The following CEP350 variants were observed in gnomAD, a reference collection of about 807,000 sequenced individuals.
CEP350 encodes the protein centrosomal protein 350, also known as centrosome-associated protein 350.
A neutral mutation model predicts 331.8 loss-of-function variants in CEP350; 126 were observed. The observed-to-expected ratio is 0.38, with a 90% CI of 0.33 to 0.44. The LOEUF (loss-of-function observed/expected upper bound fraction) is 0.44, where lower values mean the gene tolerates loss of function less well. CEP350 is among the 20% of genes least tolerant of loss of function. The pLI, the probability that CEP350 is intolerant of heterozygous loss-of-function variation, is 1.00. For synonymous variants in CEP350, 1,200 were observed against 1,259.5 expected (o/e 0.95, Z 1.00); for missense variants, 3,406 against 3,634.6 (o/e 0.94, Z 1.62).
At chr1:180,060,550 G>A (rs1458409339) in intron 25 of CEP350, among the ~76,000 whole-genome samples, 1 of 152,146 alleles carries the variant, frequency 6.6e-6, no homozygotes, top group African/African-American at 2.4e-5. Context: ...AGCTACTTGG[G>A]AGGCTAAGGT....
chr1:180,039,739 T>G (rs1656629999), intron 17 of CEP350, among the ~76,000 whole-genome samples: 1 of 152,154 alleles, frequency 6.6e-6, no homozygotes, highest in Non-Finnish European at 1.5e-5. Flanking sequence ...ATTTTGGCTA[T>G]TCTAGGTTTT....
Position 179,990,729 on chromosome 1 carries a change from T to A in CEP350, c.235+108T>A, listed in dbSNP as rs1205713828. ...GCCACCACACCTGGCTAATCTTTTTTTATCTTTTGTAGAGACGAAGTCTCT... is the reference window on the plus strand; with the variant it reads ...GCCACCACACCTGGCTAATCTTTTTATATCTTTTGTAGAGACGAAGTCTCT... On this transcript the variant is annotated intron_variant, in intron 4 of 37. Transcript: ENST00000367607. 7.2e-5 allele frequency: 40 copies of A among 553,408 alleles called. 1 individual carries two copies. The East Asian group carries it at 1.2e-3, about 17-fold the overall frequency. The allele number at this position is 553,408 out of a possible 1,614,324, so 34.3% of individuals were successfully genotyped here.
At chr1:180,100,537 G>A (rs748049092) in intron 37 of CEP350, among the ~76,000 whole-genome samples, 9 of 152,124 alleles carry the variant, frequency 5.9e-5, no homozygotes, top group Non-Finnish European at 8.8e-5. Context: ...TGCTAATTAA[G>A]GACTGATGTT....
intron 18 of CEP350, 128 bp from the exon 19 acceptor site, chr1:180,041,534 G>C: frequency 1.1e-6 from 1 of 949,644 alleles, no homozygotes; most frequent in South Asian, 2.0e-5. Flanking sequence ...CTTAAACCAT[G>C]AAATCCAGAT....
At chr1:180,018,523 TG>T (rs2148825301) in intron 11 of CEP350, among the ~76,000 whole-genome samples, 1 of 152,330 alleles carries the variant, frequency 6.6e-6, no homozygotes, top group African/African-American at 2.4e-5. Flanking sequence ...ACTTTGCATT[TG>T]TAATAGCCTA....
At chr1:179,988,756 CCT>C (rs886883107) in intron 3 of CEP350, among the ~76,000 whole-genome samples, 4 of 151,708 alleles carry the variant, frequency 2.6e-5, no homozygotes, top group Non-Finnish European at 4.4e-5. Flanking sequence ...TTTTGAATCA[CCT>C]ATTTCTTTAC....
At chr1:180,015,273 G>A (rs573022224) in intron 10 of CEP350, among the ~76,000 whole-genome samples, 15 of 151,362 alleles carry the variant, frequency 9.9e-5, no homozygotes, top group South Asian at 4.2e-4. Context: ...TCTCCCTGTC[G>A]CCCAGGCTGG....
At position 180,071,751 on chromosome 1, in the gene CEP350, CA is replaced by C. The variant is rs1194123105; in HGVS notation, c.5568-3270del. ...GAACTGAGATGGTGCCACTGCACTC[CA>C]GCCTGGGCAACAGAGCAAGACTCCG... On this transcript the variant is annotated intron_variant, in intron 27 of 37. Transcript: ENST00000367607. Among the ~76,000 whole-genome samples the C allele has an allele frequency of 2.0e-5, 3 of 150,610 alleles. No homozygotes were observed. In the Admixed American group the frequency reaches 2.0e-4, roughly 10 times the overall value.
In CEP350 at chr1:180,095,899, T is replaced by A; in HGVS notation, c.8888T>A (p.Ile2963Lys). The A allele has an allele frequency of 6.2e-7, 1 of 1,606,630 alleles. No individual in the cohort carries two copies. Residue 2963 changes from isoleucine to lysine, a missense_variant, in exon 35 of 38, where the codon ATA becomes AAA. Coordinates refer to ENST00000367607, the MANE Select transcript of CEP350 (RefSeq NM_014810.5). Reference protein sequence around the residue: ...LLGCASKGLDIESTSKRVYKQ... With the variant: ...LLGCASKGLDKESTSKRVYKQ... The stretch of plus-strand genomic sequence containing the variant: ...GGCTGTGCCAGTAAAGGTCTAGATA[T>A]AGAAAGCACTAGTAAAAGGGTCTAC...
intron 37 of CEP350, among the ~76,000 whole-genome samples, chr1:180,108,727 C>T (rs979036604): frequency 6.6e-6 from 1 of 152,112 alleles, no homozygotes; most frequent in African/African-American, 2.4e-5. Context: ...CGTAGATACC[C>T]ATGATTCTGT....
At chr1:180,102,641 A>C (rs887839380) in intron 37 of CEP350, among the ~76,000 whole-genome samples, 2 of 152,192 alleles carry the variant, frequency 1.3e-5, no homozygotes, top group Non-Finnish European at 2.9e-5. Context: ...ATATAGGTGC[A>C]TTGTTTCTGC....
chr1:180,037,152 TTAA>T (rs1216214836), intron 17 of CEP350, 63 bp downstream of exon 17: 3 of 1,403,710 alleles, frequency 2.1e-6, no homozygotes, highest in African/African-American at 1.5e-5. Flanking sequence ...TAAAATGGTC[TTAA>T]TGATGACTTA....
intron 30 of CEP350, among the ~76,000 whole-genome samples, chr1:180,082,757 A>C (rs1246252399): frequency 1.3e-5 from 2 of 152,230 alleles, no homozygotes; most frequent in Non-Finnish European, 2.9e-5. Context: ...CTGCTGGCAT[A>C]TACAATTTTT....
Position 179,954,929 on chromosome 1 carries a change from C to A in CEP350, c.-227C>A. 1 of 831,814 alleles carries A rather than the reference C, an allele frequency of 1.2e-6. No homozygotes were observed. Among genetic ancestry groups the A allele is most frequent in the South Asian group, 2.6e-5 (1 of 38,322 alleles). The allele number at this position is 831,814 out of a possible 1,614,324, so 51.5% of individuals were successfully genotyped here. On this transcript the variant is annotated 5_prime_UTR_variant, in exon 1 of 38. Transcript: ENST00000367607. ...GAGCCGCAGCTCGGGGGGTGGCTTG[C>A]CCTGAGGGAGGGGAGGCAGCCTTTC...
In CEP350 at chr1:180,037,081, A is replaced by G; in HGVS notation, c.4102A>G (p.Ile1368Val). The change falls in exon 17 of 38, where the codon ATA becomes GTA. Residue 1368 changes from isoleucine (I) to valine (V), a missense_variant. This residue lies in a region of CEP350 where 1,857 missense variants were observed against 1,909.2 expected (regional missense o/e 0.97). Transcript: ENST00000367607. ...AQQESVSLAQ[I>V]IKAQQQRHER... ...GCAGGAGAGTGTGTCTCTAGCTCAG[A>G]TAATAAAGGTATTTTTGGAGTTTTT... 1 of 1,570,046 alleles carries G rather than the reference A, an allele frequency of 6.4e-7. No individual in the cohort carries two copies. The highest frequency in any genetic ancestry group is 1.2e-5 in the South Asian group (1 of 81,504).
chr1:180,076,229 AAG>A (rs1055515952), intron 28 of CEP350, among the ~76,000 whole-genome samples: 1 of 152,126 alleles, frequency 6.6e-6, no homozygotes, highest in Non-Finnish European at 1.5e-5. Context: ...AGAATAGAAA[AAG>A]AGACATTTCT....
At chr1:180,105,002 AT>A (rs1472234215) in intron 37 of CEP350, among the ~76,000 whole-genome samples, 1 of 151,582 alleles carries the variant, frequency 6.6e-6, no homozygotes, top group African/African-American at 2.4e-5. Flanking sequence ...TCCCCCTCCA[AT>A]TTTCCCTTTA....
chr1:179,959,779 T>C lies in CEP350; in HGVS notation c.-14+4637T>C, dbSNP rs889210374. ...AAAACAGACAAACAAACAAAAAAAC[T>C]TTTGTTGGCAGAAGGTTGAAATTTA... On this transcript the variant is annotated intron_variant, in intron 1 of 37. Coordinates refer to ENST00000367607, the MANE Select transcript of CEP350 (RefSeq NM_014810.5). Among the ~76,000 whole-genome samples the C allele has an allele frequency of 7.9e-5, 12 of 152,218 alleles. No homozygotes were observed. In the East Asian group the frequency reaches 2.3e-3, roughly 29 times the overall value.
chr1:180,094,522 A>G lies in CEP350; in HGVS notation c.8417A>G (p.Glu2806Gly). The G allele has an allele frequency of 6.2e-7, 1 of 1,613,958 alleles. No individual in the cohort carries two copies. The highest frequency in any genetic ancestry group is 8.5e-7 in the Non-Finnish European group (1 of 1,179,862). ...VTPQDLSQNV[E>G]EQSPSISGCF... Reference sequence around the variant, plus strand: ...CCCCAAGACCTATCCCAAAATGTTGAGGAACAGTCGCCAAGTATTTCAGGT... The same window carrying G: ...CCCCAAGACCTATCCCAAAATGTTGGGGAACAGTCGCCAAGTATTTCAGGT... Residue 2806 changes from glutamate (E) to glycine (G), a missense_variant, in exon 34 of 38, where the codon GAG becomes GGG. Around this residue, in one of 5 missense-constraint regions of CEP350, gnomAD observed 1,415 missense variants for 1,512.3 expected, o/e 0.94. Transcript: ENST00000367607.
Sources: gnomAD v4.1 joint callset for allele counts (sites outside exome capture counted in the v4.1 genomes callset) on GRCh38, gnomAD v4.1.1 for gene constraint, gnomAD v4.1.1 regional missense constraint, MANE v1.5 for transcripts, NCBI Gene and HGNC (gene_info 2026-07-23, HGNC 2026-07-21) for gene names.